The following NKAIN2 variants were observed in gnomAD, a reference collection of about 807,000 sequenced individuals.
The protein encoded by NKAIN2 is sodium/potassium transporting ATPase interacting 2, also known as sodium/potassium-transporting ATPase subunit beta-1-interacting protein 2.
A neutral mutation model predicts 32.6 loss-of-function variants in NKAIN2; 14 were observed. The observed-to-expected ratio is 0.43, with a 90% CI of 0.28 to 0.67. NKAIN2 has a LOEUF of 0.67. Ranked by LOEUF, NKAIN2 falls within the 30% of genes least tolerant of loss-of-function variation. The pLI is 0.17. For missense variants in NKAIN2, 198 were observed against 258.3 expected, an observed-to-expected ratio of 0.77 and a Z score of 1.60; for synonymous variants, 80 against 87.2, an observed-to-expected ratio of 0.92 and a Z score of 0.46.
At chr6:124,581,697 C>G (rs916761732) in intron 3 of NKAIN2, among the ~76,000 whole-genome samples, 2 of 152,000 alleles carry the variant, frequency 1.3e-5, no homozygotes, top group Non-Finnish European at 2.9e-5. Context: ...AAATCAACAA[C>G]AAGAGAAATT....
At chr6:124,314,102 C>T (rs756181081) in intron 2 of NKAIN2, among the ~76,000 whole-genome samples, 1 of 151,958 alleles carries the variant, frequency 6.6e-6, no homozygotes, top group Non-Finnish European at 1.5e-5. Flanking sequence ...TTAGGGAGCA[C>T]GGGTGGATTG....
intron 1 of NKAIN2, among the ~76,000 whole-genome samples, chr6:124,041,462 T>C (rs567412259): frequency 3.9e-5 from 6 of 151,914 alleles, no homozygotes; most frequent in Middle Eastern, 3.4e-3. Flanking sequence ...ATATTTTTAT[T>C]TGTTATTATT....
At chr6:123,893,547 G>A (rs1232431457) in intron 1 of NKAIN2, among the ~76,000 whole-genome samples, 1 of 152,102 alleles carries the variant, frequency 6.6e-6, no homozygotes, top group Non-Finnish European at 1.5e-5. Context: ...AAAACTCTCT[G>A]GTCTTGTTGA....
chr6:124,271,980 G>C (rs1019553268), intron 1 of NKAIN2, among the ~76,000 whole-genome samples: 3 of 152,164 alleles, frequency 2.0e-5, no homozygotes, highest in Non-Finnish European at 4.4e-5. Flanking sequence ...GAGGTGACTT[G>C]GGTGCCGTTC....
Position 124,554,328 on chromosome 6 carries a change from C to T in NKAIN2, c.274-103858C>T, listed in dbSNP as rs528190667. ...CTGCCAGTGTGGGGGACTGTTCTCC[C>T]GGTGTGAAATGTTTTTAAGCCAAAA... On this transcript the variant is annotated intron_variant, in intron 3 of 6. Coordinates refer to ENST00000368417, the MANE Select transcript of NKAIN2 (RefSeq NM_001040214.3). 4.1e-4 allele frequency among the ~76,000 whole-genome samples: 62 copies of T among 152,270 alleles called. No homozygotes were observed. In the South Asian group the frequency reaches 8.7e-3, roughly 21 times the overall value.
chr6:124,498,802 G>A lies in NKAIN2; in HGVS notation c.273+143455G>A, dbSNP rs187009639. Reference sequence around the variant, plus strand: ...GTGGGTAGTATTTTGAATATATTTGGTAATTAATAAACATTTTAAAGTCAT... The same window carrying A: ...GTGGGTAGTATTTTGAATATATTTGATAATTAATAAACATTTTAAAGTCAT... On this transcript the variant is annotated intron_variant, in intron 3 of 6. Transcript: ENST00000368417. 2.4e-3 allele frequency among the ~76,000 whole-genome samples: 364 copies of A among 152,190 alleles called. 3 individuals are homozygous for A. Among genetic ancestry groups the A allele is most frequent in the African/African-American group, 8.2e-3 (342 of 41,520 alleles).
chr6:124,298,021 G>C (rs989366987), intron 2 of NKAIN2, among the ~76,000 whole-genome samples: 1 of 152,124 alleles, frequency 6.6e-6, no homozygotes, highest in African/African-American at 2.4e-5. Context: ...TATTGAGCAT[G>C]TGTCTTGCAT....
intron 1 of NKAIN2, among the ~76,000 whole-genome samples, chr6:123,883,189 G>C (rs1374425636): frequency 6.6e-6 from 1 of 151,970 alleles, no homozygotes; most frequent in African/African-American, 2.4e-5. Context: ...CTGTCGCCCA[G>C]GCTGGAGTAC....
At chr6:123,975,915 A>G (rs994053544) in intron 1 of NKAIN2, among the ~76,000 whole-genome samples, 1 of 151,986 alleles carries the variant, frequency 6.6e-6, no homozygotes, top group Non-Finnish European at 1.5e-5. Context: ...CACAATTCCT[A>G]CATGTCGCGG....
rs967086139 is a variant in NKAIN2 at position 124,709,270 on chromosome 6, T to C, written c.474+50884T>C. Among the ~76,000 whole-genome samples the C allele has an allele frequency of 5.4e-4, 80 of 149,322 alleles. 3 individuals are homozygous for C. In the East Asian group the frequency reaches 0.013, roughly 24 times the overall value. On this transcript the variant is annotated intron_variant, in intron 4 of 6. Transcript: ENST00000368417. ...ATTTTATTGAGGATTTTTGCATCAA[T>C]GTTCATCAAGGATATTGGTCTAAAA...
rs547908330 is a variant in NKAIN2, at chr6:124,795,610, G to A, written c.535+4211G>A. 6.6e-5 allele frequency among the ~76,000 whole-genome samples: 10 copies of A among 152,230 alleles called. No individual in the cohort carries two copies. The South Asian group carries it at 2.1e-3, about 32-fold the overall frequency. ...ACTATAGCAACATATTATAAGTAAG[G>A]TGGCTTATAAATGACAGAAATTTAT... On this transcript the variant is annotated intron_variant, in intron 5 of 6. Transcript: ENST00000368417.
At chr6:123,921,564 G>A (rs1243626544) in intron 1 of NKAIN2, among the ~76,000 whole-genome samples, 2 of 152,100 alleles carry the variant, frequency 1.3e-5, no homozygotes, top group African/African-American at 4.8e-5. Context: ...AGTTGTTTTA[G>A]CGTTCATTAC....
chr6:124,331,765 A>G (rs1415729186), intron 2 of NKAIN2, among the ~76,000 whole-genome samples: 2 of 152,180 alleles, frequency 1.3e-5, no homozygotes, highest in East Asian at 1.9e-4. Context: ...TAGAAATTCA[A>G]TCCAAAACCA....
chr6:124,190,122 A>G (rs986728600), intron 1 of NKAIN2, among the ~76,000 whole-genome samples: 24 of 152,204 alleles, frequency 1.6e-4, no homozygotes, highest in African/African-American at 4.8e-4. Flanking sequence ...TGGCCCATAG[A>G]CAGGGTTACA....
intron 1 of NKAIN2, among the ~76,000 whole-genome samples, chr6:124,243,540 G>T (rs1793224012): frequency 6.6e-6 from 1 of 151,884 alleles, no homozygotes; most frequent in Non-Finnish European, 1.5e-5. Flanking sequence ...TGCTGGAACT[G>T]GGAAGTTTGA....
At chr6:124,010,514 A>G (rs769102048) in intron 1 of NKAIN2, among the ~76,000 whole-genome samples, 1 of 150,506 alleles carries the variant, frequency 6.6e-6, no homozygotes, top group African/African-American at 2.4e-5. Context: ...TGAGTGTGTC[A>G]TACTAGATTC....
At chr6:124,698,684 GA>G (rs1164384123) in intron 4 of NKAIN2, among the ~76,000 whole-genome samples, 1 of 152,086 alleles carries the variant, frequency 6.6e-6, no homozygotes, top group Non-Finnish European at 1.5e-5. Flanking sequence ...ATCTTAATGT[GA>G]TTGTAATTTA....
chr6:124,465,133 T>C (rs116027884), intron 3 of NKAIN2, among the ~76,000 whole-genome samples: 274 of 152,206 alleles, frequency 1.8e-3, no homozygotes, highest in African/African-American at 6.5e-3. Flanking sequence ...CATTGCAAGG[T>C]ATATACCCAA....
At chr6:124,213,995 T>A (rs776232535) in intron 1 of NKAIN2, among the ~76,000 whole-genome samples, 94 of 152,222 alleles carry the variant, frequency 6.2e-4, no homozygotes, top group Non-Finnish European at 1.2e-3. Context: ...AAATTTGTTG[T>A]ACTATTCACA....
Sources: allele counts gnomAD v4.1 joint callset (sites outside exome capture counted in the v4.1 genomes callset), GRCh38; gene constraint gnomAD v4.1.1; transcripts MANE v1.5; gene names NCBI Gene and HGNC (gene_info 2026-07-23, HGNC 2026-07-21).